CLSPN: variants seen among roughly 807,000 people sequenced by gnomAD.
CLSPN encodes claspin homolog.
CLSPN carries 85 observed loss-of-function variants against 156.3 expected under a neutral mutation model. The observed-to-expected ratio is 0.54, with a 90% CI of 0.46 to 0.65. CLSPN has a LOEUF of 0.65. Among genes scored for constraint, CLSPN ranks in the 30% least tolerant of loss-of-function variants. The probability of loss-of-function intolerance (pLI) is 0.00; values close to 1 mark genes in which losing one functional copy is unlikely to be tolerated. For synonymous variants in CLSPN, 534 were observed against 542.4 expected (o/e 0.98, Z 0.22); for missense variants, 1,407 against 1,554.9 (o/e 0.90, Z 1.60).
chr1:35,760,306 C>G (rs1489778899), intron 8 of CLSPN, 36 bp downstream of exon 8: 1 of 1,508,976 alleles, frequency 6.6e-7, no homozygotes, highest in Non-Finnish European at 9.0e-7. Flanking sequence ...CCAGGATAAT[C>G]ACTCCAGGGA....
At chr1:35,740,247 G>A (rs561729312) in intron 18 of CLSPN, among the ~76,000 whole-genome samples, 1 of 152,236 alleles carries the variant, frequency 6.6e-6, no homozygotes, top group South Asian at 2.1e-4. Flanking sequence ...CTAAGGCTCA[G>A]AGCTCCTGGT....
In CLSPN at chr1:35,738,015, G is replaced by A. The variant is rs781767064; in HGVS notation, c.3641C>T (p.Thr1214Ile). The A allele has an allele frequency of 2.7e-6, 4 of 1,478,352 alleles. No homozygotes were observed. The highest frequency in any genetic ancestry group is 2.8e-5 in the African/African-American group (2 of 70,542). The allele number at this position is 1,478,352 out of a possible 1,614,324, so 91.6% of individuals were successfully genotyped here. Residue 1214 changes from threonine (T) to isoleucine (I), a missense_variant, in exon 22 of 25, where the codon ACA becomes ATA. This residue lies in a region of CLSPN where 241 missense variants were observed against 240.5 expected (regional missense o/e 1.00). Transcript: ENST00000318121. ...ACCATTCTTCTGCAGTGCTTTGGCT[G>A]TAACTTTCTTGGCCAGTATCATAAA... ...SQFMILAKKV[T>I]AKALQKNASR...
intron 4 of CLSPN, among the ~76,000 whole-genome samples, chr1:35,762,926 G>GT (rs994637480): frequency 3.5e-4 from 51 of 147,584 alleles, no homozygotes; most frequent in South Asian, 8.6e-4. Context: ...TATCTTAGTG[G>GT]TTTTTTTTTT....
chr1:35,742,245 C>T (rs1641720715), intron 18 of CLSPN, among the ~76,000 whole-genome samples: 1 of 152,176 alleles, frequency 6.6e-6, no homozygotes, highest in Non-Finnish European at 1.5e-5. Flanking sequence ...GGAGATTTCA[C>T]CTAATCTAAG....
At position 35,763,148 on chromosome 1, in the gene CLSPN, T is replaced by C. The variant is rs2148626707; in HGVS notation, c.744+12A>G. ...AGTTGATTAACTCTTATTGCAATCA[T>C]GCTTTACTTGCCTTGTGCTTTTTTA... On this transcript the variant is annotated intron_variant, in intron 4 of 24. Coordinates refer to ENST00000318121, the MANE Select transcript of CLSPN (RefSeq NM_022111.4). The C allele has an allele frequency of 6.5e-7, 1 of 1,539,824 alleles. No individual in the cohort carries two copies. Among genetic ancestry groups the C allele is most frequent in the Non-Finnish European group, 8.7e-7 (1 of 1,147,032 alleles).
At position 35,738,089 on chromosome 1, in the gene CLSPN, C is replaced by T; in HGVS notation, c.3567G>A (p.Gln1189=). The change falls in exon 22 of 25, where the codon CAG becomes CAA. Residue 1189 remains glutamine (Q), a synonymous_variant. Coordinates refer to ENST00000318121, the MANE Select transcript of CLSPN (RefSeq NM_022111.4). ...CTTCTTCTTCAGCTGTAATTTTCCC[C>T]TGCTGTGCCTGAAAAAAAAAAAAAA... ...REQWLRDMAQ[Q]GKITAEEEEE... 1 of 1,278,910 alleles carries T rather than the reference C, an allele frequency of 7.8e-7. No individual in the cohort carries two copies. The highest frequency in any genetic ancestry group is 1.0e-6 in the Non-Finnish European group (1 of 984,100). 79.2% of individuals were successfully genotyped at this position (1,278,910 alleles called of 1,614,324 possible).
rs775378291 is a variant in CLSPN at position 35,743,547 on chromosome 1, T to C, written c.2967-17A>G. 2 of 1,600,196 alleles carry C rather than the reference T, an allele frequency of 1.2e-6. No individual in the cohort carries two copies. Among genetic ancestry groups the C allele is most frequent in the South Asian group, 2.2e-5 (2 of 90,648 alleles). On this transcript the variant is annotated splice_polypyrimidine_tract_variant and intron_variant, in intron 16 of 24. Transcript: ENST00000318121. The stretch of plus-strand genomic sequence containing the variant: ...TCCTCTTCCCTAAAATGTAAATCAA[T>C]GAATCAATAAATAAGTTGTTGAAAG...
rs1238833676 is a variant in CLSPN at position 35,733,016 on chromosome 1, G to C, written c.*3480C>G. ...GTCTCACTCTGTCGCCCATGCTGGAGAGCAGTGGCGTGATCTCGGCTCACT... is the reference window on the plus strand; with the variant it reads ...GTCTCACTCTGTCGCCCATGCTGGACAGCAGTGGCGTGATCTCGGCTCACT... On this transcript the variant is annotated 3_prime_UTR_variant, in exon 25 of 25. Coordinates refer to ENST00000318121, the MANE Select transcript of CLSPN (RefSeq NM_022111.4). The C allele has an allele frequency of 3.9e-5, 36 of 912,518 alleles. No homozygotes were observed. The highest frequency in any genetic ancestry group is 4.7e-5 in the Non-Finnish European group (36 of 764,148). 56.5% of individuals were successfully genotyped at this position (912,518 alleles called of 1,614,324 possible).
At chr1:35,741,133 G>A (rs572808465) in intron 18 of CLSPN, among the ~76,000 whole-genome samples, 7 of 151,740 alleles carry the variant, frequency 4.6e-5, no homozygotes, top group Non-Finnish European at 1.0e-4. Flanking sequence ...TAACATCATA[G>A]GAAAATGTTT....
chr1:35,766,710 G>A (rs1030191891), intron 1 of CLSPN, among the ~76,000 whole-genome samples: 1 of 144,796 alleles, frequency 6.9e-6, no homozygotes, highest in Non-Finnish European at 1.5e-5. Flanking sequence ...TCCCAAAGTG[G>A]TGGGATTACA....
intron 24 of CLSPN, among the ~76,000 whole-genome samples, chr1:35,723,847 C>T (rs913010325): frequency 1.1e-4 from 17 of 152,080 alleles, no homozygotes; most frequent in Non-Finnish European, 7.4e-5. Context: ...AAAAATTAGC[C>T]GGGCATGGTG....
chr1:35,752,302 G>A (rs532090433), intron 9 of CLSPN, among the ~76,000 whole-genome samples: 42 of 152,122 alleles, frequency 2.8e-4, no homozygotes, highest in African/African-American at 8.9e-4. Flanking sequence ...CCTCAAGGCC[G>A]GGCGCAGTGA....
At chr1:35,742,027 AATC>A in intron 18 of CLSPN, among the ~76,000 whole-genome samples, 1 of 141,808 alleles carries the variant, frequency 7.1e-6, no homozygotes, top group African/African-American at 2.7e-5. Flanking sequence ...TCATGCCTGT[AATC>A]CCAGACTTTG....
downstream of CLSPN, among the ~76,000 whole-genome samples, chr1:35,730,279 C>G (rs1490066601): frequency 6.6e-6 from 1 of 152,116 alleles, no homozygotes; most frequent in Admixed American, 6.5e-5. Context: ...TGTGGTGGCT[C>G]ATGCCTATAA....
Position 35,738,061 on chromosome 1 carries a change from C to T in CLSPN, c.3595G>A (p.Glu1199Lys). The T allele has an allele frequency of 7.9e-7, 1 of 1,262,734 alleles. No homozygotes were observed. The highest frequency in any genetic ancestry group is 1.1e-6 in the Non-Finnish European group (1 of 938,654). The allele number at this position is 1,262,734 out of a possible 1,614,324, so 78.2% of individuals were successfully genotyped here. A position where few individuals can be genotyped will look rare whatever the true frequency, so the allele number is the denominator to read the frequency against. Residue 1199 changes from glutamate (E) to lysine (K), a missense_variant, in exon 22 of 25, where the codon GAA becomes AAA. Glu to Lys is a moderately conservative substitution (Grantham distance 56, BLOSUM62 1). Coordinates refer to ENST00000318121, the MANE Select transcript of CLSPN (RefSeq NM_022111.4). ...QGKITAEEEE[E>K]IGEDSQFMIL... The stretch of plus-strand genomic sequence containing the variant: ...ATAAACTGACTGTCCTCCCCAATTT[C>T]TTCTTCTTCTTCAGCTGTAATTTTC...
At chr1:35,758,220 G>A (rs1418300048) in intron 8 of CLSPN, among the ~76,000 whole-genome samples, 1 of 151,448 alleles carries the variant, frequency 6.6e-6, no homozygotes, top group East Asian at 1.9e-4. Context: ...CTCCCAGACT[G>A]GAGTGCAGGA....
chr1:35,737,590 C>A, intron 22 of CLSPN, 169 bp from the exon 23 acceptor site: 1 of 568,654 alleles, frequency 1.8e-6, no homozygotes, highest in Non-Finnish European at 3.1e-6. Context: ...CAAGAAGAGA[C>A]ACAACTAAGT....
rs375504871 is a variant in CLSPN at position 35,743,137 on chromosome 1, G to A, written c.3143+4C>T. ...GAAGGAATGGACATATTAATAACAC[G>A]TACATTTGCCTTTTCAACTTCTCAG... On this transcript the variant is annotated splice_donor_region_variant and intron_variant, in intron 18 of 24. Transcript: ENST00000318121. 2.3e-5 allele frequency: 37 copies of A among 1,609,726 alleles called. No homozygotes were observed. Among genetic ancestry groups the A allele is most frequent in the African/African-American group, 8.0e-5 (6 of 74,804 alleles).
At position 35,744,464 on chromosome 1, in the gene CLSPN, T is replaced by A. The variant is rs560489437; in HGVS notation, c.2967-934A>T. ...CTGCCGGCACACGCCTAGCTAATTT[T>A]AGTATTTTTTTTATAGGGATGGGGT... On this transcript the variant is annotated intron_variant, in intron 16 of 24. Transcript: ENST00000318121. 1.3e-4 allele frequency among the ~76,000 whole-genome samples: 20 copies of A among 152,204 alleles called. No homozygotes were observed. In the South Asian group the frequency reaches 4.1e-3, roughly 32 times the overall value.
Sources: gnomAD v4.1 joint callset for allele counts (sites outside exome capture counted in the v4.1 genomes callset) on GRCh38, gnomAD v4.1.1 for gene constraint, gnomAD v4.1.1 regional missense constraint, MANE v1.5 for transcripts, NCBI Gene and HGNC (gene_info 2026-07-23, HGNC 2026-07-21) for gene names.